Variants in VANGL1 observed in about 807,000 individuals in gnomAD.
VANGL1 encodes VANGL planar cell polarity protein 1.
Under a neutral mutation model 48.4 loss-of-function variants are expected in VANGL1, and 18 were observed. The observed-to-expected ratio is 0.37, with a 90% CI of 0.26 to 0.55. The LOEUF is 0.55. Ranked by LOEUF, VANGL1 falls within the 20% of genes least tolerant of loss-of-function variation. The probability of loss-of-function intolerance (pLI) is 0.81; values close to 1 mark genes in which losing one functional copy is unlikely to be tolerated. For missense variants in VANGL1, 667 were observed against 675.8 expected (o/e 0.99, Z 0.14); for synonymous variants, 257 against 261.8 (o/e 0.98, Z 0.18).
In VANGL1 at chr1:115,698,045, T is replaced by C. The variant is rs1654091174; in HGVS notation, c.*6666T>C. On this transcript the variant is annotated 3_prime_UTR_variant, in exon 8 of 8. Transcript: ENST00000355485. ...TTTATGCTATGAAACTTCTTCTCATTGTGATGTCAGTAACAGAGTTAGTGT... is the reference window on the plus strand; with the variant it reads ...TTTATGCTATGAAACTTCTTCTCATCGTGATGTCAGTAACAGAGTTAGTGT... 2 of 152,212 alleles carry C rather than the reference T, an allele frequency of 1.3e-5. No individual in the cohort carries two copies. 9.4% of individuals were successfully genotyped at this position (152,212 alleles called of 1,614,324 possible). A position where few individuals can be genotyped will look rare whatever the true frequency, so the allele number is the denominator to read the frequency against.
At chr1:115,660,771 G>A (rs1488054672) in intron 3 of VANGL1, among the ~76,000 whole-genome samples, 2 of 152,292 alleles carry the variant, frequency 1.3e-5, no homozygotes, top group East Asian at 3.9e-4. Context: ...AATCAAATAG[G>A]TGGACTGAAA....
chr1:115,649,432 G>A (rs1298135334), intron 1 of VANGL1, among the ~76,000 whole-genome samples: 1 of 152,178 alleles, frequency 6.6e-6, no homozygotes, highest in Non-Finnish European at 1.5e-5. Flanking sequence ...GCTCCGTTCT[G>A]TCTGACTGCA....
At position 115,693,800 on chromosome 1, in the gene VANGL1, A is replaced by G. The variant is rs1653934192; in HGVS notation, c.*2421A>G. The G allele has an allele frequency of 6.6e-6, 1 of 152,212 alleles. No individual in the cohort carries two copies. Among genetic ancestry groups the G allele is most frequent in the Non-Finnish European group, 1.5e-5 (1 of 68,034 alleles). The allele number at this position is 152,212 out of a possible 1,614,324, so 9.4% of individuals were successfully genotyped here. On this transcript the variant is annotated 3_prime_UTR_variant, in exon 8 of 8. Coordinates refer to ENST00000355485, the MANE Select transcript of VANGL1 (RefSeq NM_138959.3). ...TCAGAAAGCTGCATCCCACAATTGAACACAATGCATTTTTATTTCAATTCT... is the reference window on the plus strand; with the variant it reads ...TCAGAAAGCTGCATCCCACAATTGAGCACAATGCATTTTTATTTCAATTCT...
intron 7 of VANGL1, among the ~76,000 whole-genome samples, chr1:115,686,370 CAAA>C (rs10667490): frequency 9.5e-6 from 1 of 104,942 alleles, no homozygotes; most frequent in African/African-American, 3.5e-5. Context: ...AGACTCCGTC[CAAA>C]AAAAAAAAAA....
At chr1:115,664,437 T>TG (rs1213140599) in intron 4 of VANGL1, among the ~76,000 whole-genome samples, 169 bp downstream of exon 4, 1 of 152,094 alleles carries the variant, frequency 6.6e-6, no homozygotes, top group Non-Finnish European at 1.5e-5. Flanking sequence ...CCATGTTCAT[T>TG]GAGTTTCTGG....
chr1:115,681,027 C>T (rs535512105), intron 4 of VANGL1, among the ~76,000 whole-genome samples: 1 of 152,310 alleles, frequency 6.6e-6, no homozygotes, highest in East Asian at 1.9e-4. Context: ...CCGCATGTTA[C>T]CGGGAAGCCC....
intron 6 of VANGL1, among the ~76,000 whole-genome samples, chr1:115,684,418 G>A (rs927406915): frequency 3.9e-5 from 6 of 152,246 alleles, no homozygotes; most frequent in South Asian, 2.1e-4. Flanking sequence ...GTGATTACAG[G>A]CATGAGCCAC....
At chr1:115,666,314 C>T (rs55773421) in intron 4 of VANGL1, among the ~76,000 whole-genome samples, 22,925 of 152,124 alleles carry the variant, frequency 0.15, 1,781 homozygotes, top group Admixed American at 0.22. Flanking sequence ...GCTCCCACAT[C>T]GCTCCTCCCT....
intron 2 of VANGL1, among the ~76,000 whole-genome samples, chr1:115,658,710 G>T (rs768499132): frequency 6.6e-6 from 1 of 152,136 alleles, no homozygotes; most frequent in Non-Finnish European, 1.5e-5. Context: ...CTCCTTAGGT[G>T]GGGGATTCTG....
In VANGL1 at chr1:115,664,007, T is replaced by G. The variant is rs777115896; in HGVS notation, c.551T>G (p.Val184Gly). The change falls in exon 4 of 8, where the codon GTG becomes GGG. Residue 184 changes from valine (V) to glycine (G), a missense_variant. Val to Gly is a moderately radical substitution (Grantham distance 109). Transcript: ENST00000355485. ...AGAGCTGACATGCCACGGGTGTTTGTGTTTCGTGCCCTTTTGTTGGTCCTC... is the reference window on the plus strand; with the variant it reads ...AGAGCTGACATGCCACGGGTGTTTGGGTTTCGTGCCCTTTTGTTGGTCCTC... ...KRRADMPRVFVFRALLLVLIF... is the reference protein window; with the variant it reads ...KRRADMPRVFGFRALLLVLIF... 1 of 1,614,106 alleles carries G rather than the reference T, an allele frequency of 6.2e-7. No homozygotes were observed. Among genetic ancestry groups the G allele is most frequent in the Non-Finnish European group, 8.5e-7 (1 of 1,180,054 alleles).
At position 115,685,359 on chromosome 1, in the gene VANGL1, A is replaced by G. The variant is rs1442727080; in HGVS notation, c.1146A>G (p.Lys382=). 1 of 1,614,180 alleles carries G rather than the reference A, an allele frequency of 6.2e-7. No individual in the cohort carries two copies. Among genetic ancestry groups the G allele is most frequent in the Non-Finnish European group, 8.5e-7 (1 of 1,180,024 alleles). The change falls in exon 7 of 8, where the codon AAA becomes AAG. Residue 382 remains lysine, a synonymous_variant. Coordinates refer to ENST00000355485, the MANE Select transcript of VANGL1 (RefSeq NM_138959.3). ...IQRLQAEEQQ[K]APGEVMDPRE... ...GTCTCCAGGCTGAGGAGCAGCAGAA[A>G]GCCCCAGGGGAGGTGATGGACCCTA... is the stretch of plus-strand genomic sequence containing the variant.
chr1:115,652,118 C>A (rs1652174680), intron 2 of VANGL1, among the ~76,000 whole-genome samples: 1 of 152,218 alleles, frequency 6.6e-6, no homozygotes, highest in African/African-American at 2.4e-5. Context: ...GTTGTTGACT[C>A]ATTGTCCATT....
chr1:115,650,567 C>T (rs1456615822), intron 1 of VANGL1, among the ~76,000 whole-genome samples: 1 of 152,126 alleles, frequency 6.6e-6, no homozygotes, highest in Non-Finnish European at 1.5e-5. Flanking sequence ...TGTTGGTTCA[C>T]TGTGTATCAA....
chr1:115,675,180 G>A (rs1312153044), intron 4 of VANGL1, among the ~76,000 whole-genome samples: 1 of 152,158 alleles, frequency 6.6e-6, no homozygotes, highest in Admixed American at 6.5e-5. Context: ...GCAAAGGCTG[G>A]ATGTCATTTG....
intron 2 of VANGL1, 99 bp from the exon 3 acceptor site, chr1:115,659,542 T>C: frequency 7.0e-7 from 1 of 1,438,546 alleles, no homozygotes; most frequent in Non-Finnish European, 9.7e-7. Context: ...TGTGTGTGTA[T>C]GTAGAATTTC....
At chr1:115,668,313 G>A (rs1226353556) in intron 4 of VANGL1, among the ~76,000 whole-genome samples, 2 of 152,174 alleles carry the variant, frequency 1.3e-5, no homozygotes, top group East Asian at 1.9e-4. Flanking sequence ...AGATATTTTT[G>A]TATACATTAT....
chr1:115,673,571 C>T (rs1653059095), intron 4 of VANGL1, among the ~76,000 whole-genome samples: 1 of 149,992 alleles, frequency 6.7e-6, no homozygotes, highest in Non-Finnish European at 1.5e-5. Flanking sequence ...ATGACCTCCT[C>T]TCTGTGGGTC....
rs536160074 is a variant in VANGL1 at position 115,693,232 on chromosome 1, A to T, written c.*1853A>T. 1.3e-5 allele frequency: 2 copies of T among 152,632 alleles called. No individual in the cohort carries two copies. The allele number at this position is 152,632 out of a possible 1,614,324, so 9.5% of individuals were successfully genotyped here. A position where few individuals can be genotyped will look rare whatever the true frequency, so the allele number is the denominator to read the frequency against. On this transcript the variant is annotated 3_prime_UTR_variant, in exon 8 of 8. Transcript: ENST00000355485. Reference sequence around the variant, plus strand: ...TTAGTTTTTGCCGTTAGATCCCTTCAAACTGGAAGTTCCTTACAATATCTT... The same window carrying T: ...TTAGTTTTTGCCGTTAGATCCCTTCTAACTGGAAGTTCCTTACAATATCTT...
chr1:115,676,479 G>T (rs1653170794), intron 4 of VANGL1, among the ~76,000 whole-genome samples: 1 of 152,264 alleles, frequency 6.6e-6, no homozygotes. Flanking sequence ...AACATATATG[G>T]CCATATAAGC....
Sources: gnomAD v4.1 joint callset for allele counts (sites outside exome capture counted in the v4.1 genomes callset) on GRCh38, gnomAD v4.1.1 for gene constraint, MANE v1.5 for transcripts, NCBI Gene and HGNC (gene_info 2026-07-23, HGNC 2026-07-21) for gene names.